Variants in P2RY13 observed in about 807,000 individuals in gnomAD.
P2RY13 encodes the protein purinergic receptor P2Y13, also known as P2Y purinoceptor 13.
For missense variants in P2RY13, 412 were observed against 418.4 expected (o/e 0.98, Z 0.13); for synonymous variants, 150 against 155.1 (o/e 0.97, Z 0.24).
Position 151,327,052 on chromosome 3 carries a change from G to A in P2RY13, c.*939C>T, listed in dbSNP as rs960512668. ...GACCATGGACTGTAGGTCGTATTAT[G>A]GGAGATACCAAGAAAATCTGGCATG... On this transcript the variant is annotated 3_prime_UTR_variant, in exon 2 of 2. Transcript: ENST00000325602. 1.3e-5 allele frequency: 2 copies of A among 152,190 alleles called. No homozygotes were observed. Among genetic ancestry groups the A allele is most frequent in the African/African-American group, 4.8e-5 (2 of 41,444 alleles). 9.4% of individuals were successfully genotyped at this position (152,190 alleles called of 1,614,324 possible). A position where few individuals can be genotyped will look rare whatever the true frequency, so the allele number is the denominator to read the frequency against.
rs1577339459 is a variant in P2RY13 at position 151,327,425 on chromosome 3, G to T, written c.*566C>A. 6.6e-6 allele frequency: 1 copy of T among 152,278 alleles called. No homozygotes were observed. Among genetic ancestry groups the T allele is most frequent in the East Asian group, 1.9e-4 (1 of 5,188 alleles). 9.4% of individuals were successfully genotyped at this position (152,278 alleles called of 1,614,324 possible). On this transcript the variant is annotated 3_prime_UTR_variant, in exon 2 of 2. Coordinates refer to ENST00000325602, the MANE Select transcript of P2RY13 (RefSeq NM_176894.3). ...GGTATATTATTGTAATGTGAAAGAGGCTGTTTGTAATTGTAAGGAGAAAAT... is the reference window on the plus strand; with the variant it reads ...GGTATATTATTGTAATGTGAAAGAGTCTGTTTGTAATTGTAAGGAGAAAAT...
rs1232197525 is a variant in P2RY13, at chr3:151,328,002, T to G, written c.1054A>C (p.Thr352Pro). Residue 352 changes from threonine (T) to proline (P), a missense_variant, in exon 2 of 2, where the codon ACC becomes CCC. Coordinates refer to ENST00000325602, the MANE Select transcript of P2RY13 (RefSeq NM_176894.3). ...ENHSSQTDNI[T>P]LG ...CCTATGTACAGTTGTCAGCCTAAGG[T>G]TATGTTGTCTGTCTGACTGCTATGA... 2 of 1,569,896 alleles carry G rather than the reference T, an allele frequency of 1.3e-6. No homozygotes were observed. The highest frequency in any genetic ancestry group is 2.7e-5 in the African/African-American group (2 of 72,954).
intron 1 of P2RY13, 127 bp from the exon 2 acceptor site, chr3:151,329,134 T>C (rs1750053434): frequency 1.5e-6 from 1 of 663,972 alleles, no homozygotes; most frequent in African/African-American, 1.8e-5. Context: ...TCCAACACTT[T>C]CAATAGATGT....
Position 151,329,490 on chromosome 3 carries a change from G to A in P2RY13, c.39C>T (p.Ile13=). Residue 13 remains isoleucine (I), a synonymous_variant, in exon 1 of 2, where the codon ATC becomes ATT. Transcript: ENST00000325602. ...AAAAATTGAAATTCACCTTTGGGAG[G>A]ATACTCAGTTCTCTCTGTCTTCTTA... is the stretch of plus-strand genomic sequence containing the variant. ...AAIRRQRELS[I]LPKVTLEAMN... 1 of 1,544,386 alleles carries A rather than the reference G, an allele frequency of 6.5e-7. No homozygotes were observed. The highest frequency in any genetic ancestry group is 8.8e-7 in the Non-Finnish European group (1 of 1,141,430).
At position 151,328,073 on chromosome 3, in the gene P2RY13, A is replaced by G; in HGVS notation, c.983T>C (p.Leu328Pro). ...IFLCKKFTEK[L>P]PCMQGRKTTA... ...GGTCTTTCTCCCTTGCATACATGGT[A>G]GCTTTTCTGTGAATTTTTTACATAA... Residue 328 changes from leucine to proline, a missense_variant, in exon 2 of 2, where the codon CTA becomes CCA. Coordinates refer to ENST00000325602, the MANE Select transcript of P2RY13 (RefSeq NM_176894.3). 1 of 1,610,310 alleles carries G rather than the reference A, an allele frequency of 6.2e-7. No individual in the cohort carries two copies. Among genetic ancestry groups the G allele is most frequent in the Non-Finnish European group, 8.5e-7 (1 of 1,178,770 alleles).
rs1342996581 is a variant in P2RY13, at chr3:151,328,648, G to A, written c.408C>T (p.Leu136=). The change falls in exon 2 of 2, where the codon CTC becomes CTT. Residue 136 remains leucine, a synonymous_variant. Coordinates refer to ENST00000325602, the MANE Select transcript of P2RY13 (RefSeq NM_176894.3). ...TCTTGAGGAATCTGTCAAAGGCTATGAGCCCTAACAGCACGATGCCCACAT... is the reference window on the plus strand; with the variant it reads ...TCTTGAGGAATCTGTCAAAGGCTATAAGCCCTAACAGCACGATGCCCACAT... ...TMYVGIVLLG[L]IAFDRFLKII... The A allele has an allele frequency of 6.2e-7, 1 of 1,613,894 alleles. No homozygotes were observed. Among genetic ancestry groups the A allele is most frequent in the Admixed American group, 1.7e-5 (1 of 59,964 alleles).
chr3:151,329,376 A>G, intron 1 of P2RY13, 105 bp downstream of exon 1: 1 of 669,478 alleles, frequency 1.5e-6, no homozygotes, highest in South Asian at 2.0e-5. Flanking sequence ...TCTTATGCTC[A>G]TAAACTATGG....
chr3:151,328,123 A>G lies in P2RY13; in HGVS notation c.933T>C (p.Cys311=). The change falls in exon 2 of 2, where the codon TGT becomes TGC. Residue 311 remains cysteine (C), a synonymous_variant. Coordinates refer to ENST00000325602, the MANE Select transcript of P2RY13 (RefSeq NM_176894.3). ...TTLFLAATNI[C]MDPLIYIFLC... ...AGAATATGTATATTAAGGGATCCAT[A>G]CAAATGTTAGTTGCTGCCAAAAAGA... The G allele has an allele frequency of 6.2e-7, 1 of 1,613,138 alleles. No individual in the cohort carries two copies.
rs1749836258 is a variant in P2RY13 at position 151,327,876 on chromosome 3, G to C, written c.*115C>G. 2 of 744,794 alleles carry C rather than the reference G, an allele frequency of 2.7e-6. No individual in the cohort carries two copies. The highest frequency in any genetic ancestry group is 2.8e-5 in the Admixed American group (1 of 36,148). 46.1% of individuals were successfully genotyped at this position (744,794 alleles called of 1,614,324 possible). A position where few individuals can be genotyped will look rare whatever the true frequency, so the allele number is the denominator to read the frequency against. On this transcript the variant is annotated 3_prime_UTR_variant, in exon 2 of 2. Coordinates refer to ENST00000325602, the MANE Select transcript of P2RY13 (RefSeq NM_176894.3). ...TTATATAATCTTTTCTGTACACGAG[G>C]ATAATAAAATGTAAGAGAGCATTTG...
At position 151,327,744 on chromosome 3, in the gene P2RY13, A is replaced by AG; in HGVS notation, c.*246_*247insC. 6 of 327,668 alleles carry AG rather than the reference A, an allele frequency of 1.8e-5. No homozygotes were observed. Among genetic ancestry groups the AG allele is most frequent in the Non-Finnish European group, 3.3e-5 (6 of 183,246 alleles). The allele number at this position is 327,668 out of a possible 1,614,324, so 20.3% of individuals were successfully genotyped here. On this transcript the variant is annotated 3_prime_UTR_variant, in exon 2 of 2. Transcript: ENST00000325602. Reference sequence around the variant, plus strand: ...AAATGCTCTTGAAATTAAAAAAAAAAAAAAAGAAAGAAAGAAATAATGACC... The same window carrying AG: ...AAATGCTCTTGAAATTAAAAAAAAAAGAAAAAGAAAGAAAGAAATAATGACC...
chr3:151,326,915 A>G lies in P2RY13; in HGVS notation c.*1076T>C, dbSNP rs1749668718. On this transcript the variant is annotated 3_prime_UTR_variant, in exon 2 of 2. Transcript: ENST00000325602. Reference sequence around the variant, plus strand: ...AAAAATACCAAGGTAAATAAATACAAGCAGGGTCACCATCCTTTGAAAAAT... The same window carrying G: ...AAAAATACCAAGGTAAATAAATACAGGCAGGGTCACCATCCTTTGAAAAAT... The G allele has an allele frequency of 6.6e-6, 1 of 152,244 alleles. No individual in the cohort carries two copies. The highest frequency in any genetic ancestry group is 6.5e-5 in the Admixed American group (1 of 15,282). The allele number at this position is 152,244 out of a possible 1,614,324, so 9.4% of individuals were successfully genotyped here. A position where few individuals can be genotyped will look rare whatever the true frequency, so the allele number is the denominator to read the frequency against.
rs1750049721 is a variant in P2RY13 at position 151,329,096 on chromosome 3, T to C, written c.49-89A>G. 5.5e-6 allele frequency: 5 copies of C among 908,312 alleles called. No individual in the cohort carries two copies. In the East Asian group the frequency reaches 1.2e-4, roughly 23 times the overall value. The allele number at this position is 908,312 out of a possible 1,614,324, so 56.3% of individuals were successfully genotyped here. ...CTATTTTTTAAAAACAGACTTTATG[T>C]TTATAGCATATTAACATCCTGCATT... is the stretch of plus-strand genomic sequence containing the variant. On this transcript the variant is annotated intron_variant, in intron 1 of 1. Coordinates refer to ENST00000325602, the MANE Select transcript of P2RY13 (RefSeq NM_176894.3).
rs758381185 is a variant in P2RY13, at chr3:151,328,902, T to C, written c.154A>G (p.Thr52Ala). The part of the protein sequence containing the change: ...IVQLVFPALY[T>A]VVFLTGILLN... ...AGGATGCCGGTCAAGAAAACCACTGTGTAGAGGGCTGGGAATACCAGCTGT... is the reference window on the plus strand; with the variant it reads ...AGGATGCCGGTCAAGAAAACCACTGCGTAGAGGGCTGGGAATACCAGCTGT... Residue 52 changes from threonine to alanine, a missense_variant, in exon 2 of 2, where the codon ACA (threonine) becomes GCA (alanine). Coordinates refer to ENST00000325602, the MANE Select transcript of P2RY13 (RefSeq NM_176894.3). 6.2e-7 allele frequency: 1 copy of C among 1,614,012 alleles called. No individual in the cohort carries two copies. The highest frequency in any genetic ancestry group is 1.1e-5 in the South Asian group (1 of 91,086).
rs767769751 is a variant in P2RY13 at position 151,329,012 on chromosome 3, T to TA, written c.49-6dup. 6.4e-7 allele frequency: 1 copy of TA among 1,571,624 alleles called. No individual in the cohort carries two copies. Among genetic ancestry groups the TA allele is most frequent in the Non-Finnish European group, 8.6e-7 (1 of 1,160,568 alleles). ...GTTCATTGCTTCCAGTGTCACCTGT[T>TA]ACCAATAAACATATATACAAACAAA... On this transcript the variant is annotated splice_polypyrimidine_tract_variant and splice_region_variant and intron_variant, in intron 1 of 1. Transcript: ENST00000325602.
Position 151,328,352 on chromosome 3 carries a change from A to G in P2RY13, c.704T>C (p.Val235Ala). ...TTTGGACTTTCTATAAGAATCATAT[A>G]CTTTTTTTGCAATAACCACATAAAA... ...LVFYVVIAKK[V>A]YDSYRKSKSK... Residue 235 changes from valine to alanine, a missense_variant, in exon 2 of 2, where the codon GTA (valine) becomes GCA (alanine). Val to Ala is a moderately conservative substitution (Grantham distance 64). Transcript: ENST00000325602. 1 of 1,612,958 alleles carries G rather than the reference A, an allele frequency of 6.2e-7. No homozygotes were observed. Among genetic ancestry groups the G allele is most frequent in the Admixed American group, 1.7e-5 (1 of 59,774 alleles).
rs763750367 is a variant in P2RY13 at position 151,328,849 on chromosome 3, A to C, written c.207T>G (p.Phe69Leu). The C allele has an allele frequency of 1.2e-6, 2 of 1,614,022 alleles. No individual in the cohort carries two copies. Among genetic ancestry groups the C allele is most frequent in the Non-Finnish European group, 1.7e-6 (2 of 1,179,912 alleles). Reference protein sequence around the residue: ...ILLNTLALWVFVHIPSSSTFI... With the variant: ...ILLNTLALWVLVHIPSSSTFI... ...AGGTGGAGGAGCTGGGGATGTGAAC[A>C]AACACCCACAGAGCCAAAGTATTCA... The change falls in exon 2 of 2, where the codon TTT becomes TTG. Residue 69 changes from phenylalanine to leucine, a missense_variant. Phe to Leu is a conservative substitution (Grantham distance 22). Transcript: ENST00000325602.
chr3:151,329,515 AT>A lies in P2RY13; in HGVS notation c.13del (p.Ile5Ter). On this transcript the variant is annotated frameshift_variant, in exon 1 of 2. Coordinates refer to ENST00000325602, the MANE Select transcript of P2RY13 (RefSeq NM_176894.3). LOFTEE classifies it low-confidence loss of function (END_TRUNC). MTAA[I>X]RRQRELSILP... ...GATACTCAGTTCTCTCTGTCTTCTT[AT>A]GGCGGCAGTCATTAGTTCAGCCTAC... 6.5e-7 allele frequency: 1 copy of A among 1,548,414 alleles called. No individual in the cohort carries two copies. Among genetic ancestry groups the A allele is most frequent in the Non-Finnish European group, 8.7e-7 (1 of 1,144,680 alleles).
chr3:151,328,819 G>A lies in P2RY13; in HGVS notation c.237C>T (p.Ile79=), dbSNP rs773655982. 3.1e-6 allele frequency: 5 copies of A among 1,613,888 alleles called. No individual in the cohort carries two copies. Among genetic ancestry groups the A allele is most frequent in the Admixed American group, 1.7e-5 (1 of 59,972 alleles). Reference sequence around the variant, plus strand: ...CCACCAAAGTGTTTTTGAGGTAGATGATGAAGGTGGAGGAGCTGGGGATGT... The same window carrying A: ...CCACCAAAGTGTTTTTGAGGTAGATAATGAAGGTGGAGGAGCTGGGGATGT... ...FVHIPSSSTF[I]IYLKNTLVAD... The change falls in exon 2 of 2, where the codon ATC becomes ATT. Residue 79 remains isoleucine, a synonymous_variant. Transcript: ENST00000325602.
chr3:151,327,879 A>G lies in P2RY13; in HGVS notation c.*112T>C, dbSNP rs1749836971. 9.2e-6 allele frequency: 7 copies of G among 759,582 alleles called. No homozygotes were observed. The highest frequency in any genetic ancestry group is 1.7e-5 in the African/African-American group (1 of 57,154). The allele number at this position is 759,582 out of a possible 1,614,324, so 47.1% of individuals were successfully genotyped here. A position where few individuals can be genotyped will look rare whatever the true frequency, so the allele number is the denominator to read the frequency against. ...TATAATCTTTTCTGTACACGAGGAT[A>G]ATAAAATGTAAGAGAGCATTTGTTC... is the stretch of plus-strand genomic sequence containing the variant. On this transcript the variant is annotated 3_prime_UTR_variant, in exon 2 of 2. Coordinates refer to ENST00000325602, the MANE Select transcript of P2RY13 (RefSeq NM_176894.3).
Sources: allele counts gnomAD v4.1 joint callset, GRCh38; gene constraint gnomAD v4.1.1; transcripts MANE v1.5; gene names NCBI Gene and HGNC (gene_info 2026-07-23, HGNC 2026-07-21).